Variants in NLRP12 observed in about 807,000 individuals in gnomAD.
NLRP12 encodes the protein NACHT, LRR and PYD domains-containing protein 12.
NLRP12 carries 108 observed loss-of-function variants against 91.2 expected under a neutral mutation model. The ratio of observed to expected loss-of-function variants is 1.18; its 90% confidence interval spans 1.01 to 1.39. NLRP12 has a LOEUF of 1.39. Among genes scored for constraint, NLRP12 ranks in the 40% most tolerant of loss-of-function variants. NLRP12 has a pLI of 0.00. For synonymous variants in NLRP12, 613 were observed against 566.7 expected, an observed-to-expected ratio of 1.08 and a Z score of -1.16; for missense variants, 1,530 against 1,352.7, an observed-to-expected ratio of 1.13 and a Z score of -2.06.
At chr19:53,814,494 G>C (rs922695589) in intron 2 of NLRP12, among the ~76,000 whole-genome samples, 1 of 152,132 alleles carries the variant, frequency 6.6e-6, no homozygotes, top group African/African-American at 2.4e-5. Context: ...TGGGACTACA[G>C]GTATGCTCCA....
chr19:53,810,838 T>C lies in NLRP12; in HGVS notation c.821A>G (p.Glu274Gly), dbSNP rs2092059407. The C allele has an allele frequency of 6.2e-7, 1 of 1,614,050 alleles. No homozygotes were observed. Among genetic ancestry groups the C allele is most frequent in the Non-Finnish European group, 8.5e-7 (1 of 1,180,018 alleles). ...GAGCTCCTGGAGAGGCGCGCTGGGC[T>C]CAGGCCAGCAGCTGAAGATGAGGTC... Reference protein sequence around the residue: ...MQDLIFSCWPEPSAPLQELIR... With the variant: ...MQDLIFSCWPGPSAPLQELIR... Residue 274 changes from glutamate (E) to glycine (G), a missense_variant, in exon 3 of 10, where the codon GAG becomes GGG. Transcript: ENST00000324134.
chr19:53,815,120 T>G, intron 1 of NLRP12, 132 bp from the exon 2 acceptor site: 1 of 737,810 alleles, frequency 1.4e-6, no homozygotes. Flanking sequence ...CAGTAGTGAC[T>G]GCATAGGCCG....
intron 5 of NLRP12, among the ~76,000 whole-genome samples, chr19:53,804,382 G>T (rs967318765): frequency 3.3e-4 from 39 of 119,020 alleles, no homozygotes; most frequent in South Asian, 5.4e-4. Flanking sequence ...TTTGTTTTTT[G>T]TTTTTTTTGG....
At chr19:53,797,760 CAG>C (rs148845302) in intron 8 of NLRP12, among the ~76,000 whole-genome samples, 7,973 of 145,826 alleles carry the variant, frequency 0.055, 314 homozygotes, top group South Asian at 0.19. Context: ...TTTTTTGAGA[CAG>C]AGTTTCACTC....
chr19:53,796,281 TC>T (rs1431604148), intron 8 of NLRP12: 1 of 440,066 alleles, frequency 2.3e-6, no homozygotes, highest in Non-Finnish European at 4.3e-6. Flanking sequence ...AGATGGAGTC[TC>T]CCTCTGTTGC....
chr19:53,815,107 G>A (rs960988466), intron 1 of NLRP12, 119 bp from the exon 2 acceptor site: 5 of 774,310 alleles, frequency 6.5e-6, no homozygotes, highest in Non-Finnish European at 1.1e-5. Flanking sequence ...ACCCCAGAAT[G>A]TTCAGTAGTG....
At position 53,798,243 on chromosome 19, in the gene NLRP12, C is replaced by T. The variant is rs1374590421; in HGVS notation, c.2927G>A (p.Trp976Ter). 2.5e-6 allele frequency: 4 copies of T among 1,614,128 alleles called. No homozygotes were observed. The highest frequency in any genetic ancestry group is 2.2e-5 in the East Asian group (1 of 44,882). The change falls in exon 8 of 10, where the codon TGG (tryptophan) becomes TAG (stop). Residue 976 changes from tryptophan (W) to a stop codon, truncating the protein, a stop_gained and splice_region_variant. Coordinates refer to ENST00000324134, the MANE Select transcript of NLRP12 (RefSeq NM_144687.4). LOFTEE classifies it high-confidence loss of function. ...QHPACRLQKLWLDSCGLTAKA... is the reference protein window; with the variant it reads ...QHPACRLQKL ...CACCCCGTCACTCCCCGATGCTCAC[C>T]ACAGTTTCTGGAGTCTGCAGGCGGG...
intron 1 of NLRP12, among the ~76,000 whole-genome samples, chr19:53,822,736 T>TAA (rs35709423): frequency 0.034 from 4,155 of 120,462 alleles, 120 homozygotes; most frequent in African/African-American, 0.08. Context: ...GACTCAGTCT[T>TAA]AAAAAAAAAA....
At chr19:53,798,544 A>C in intron 7 of NLRP12, 131 bp from the exon 8 acceptor site, 1 of 866,452 alleles carries the variant, frequency 1.2e-6, no homozygotes, top group Non-Finnish European at 1.9e-6. Context: ...TGAGAGACAA[A>C]AAGAAAAAGA....
intron 2 of NLRP12, 42 bp downstream of exon 2, chr19:53,814,866 C>T: frequency 2.0e-6 from 3 of 1,531,736 alleles, no homozygotes; most frequent in Non-Finnish European, 2.7e-6. Context: ...GTCAGCTGCT[C>T]TGTGTAGATG....
chr19:53,823,171 G>C (rs1429876715), intron 1 of NLRP12, among the ~76,000 whole-genome samples: 3 of 68,132 alleles, frequency 4.4e-5, no homozygotes, highest in Non-Finnish European at 9.6e-5. Flanking sequence ...ATAAATTCCA[G>C]ATCTCCCAGG....
In NLRP12 at chr19:53,811,225, G is replaced by C. The variant is rs780751328; in HGVS notation, c.434C>G (p.Ala145Gly). ...RKFRLMEDRN[A>G]RLGECVNLSH... is the part of the protein sequence containing the mutation. ...GAGGTTGACACATTCCCCTAGGCGCGCATTGCGGTCTTCCATGAGCCGGAA... is the reference window on the plus strand; with the variant it reads ...GAGGTTGACACATTCCCCTAGGCGCCCATTGCGGTCTTCCATGAGCCGGAA... Residue 145 changes from alanine (A) to glycine (G), a missense_variant, in exon 3 of 10, where the codon GCG becomes GGG. Physicochemically the swap from Ala to Gly is moderately conservative, Grantham distance 60. Coordinates refer to ENST00000324134, the MANE Select transcript of NLRP12 (RefSeq NM_144687.4). 3 of 1,614,092 alleles carry C rather than the reference G, an allele frequency of 1.9e-6. No individual in the cohort carries two copies. The highest frequency in any genetic ancestry group is 1.1e-5 in the South Asian group (1 of 91,090).
chr19:53,805,034 GA>G (rs1568667581), intron 5 of NLRP12, among the ~76,000 whole-genome samples: 1 of 152,058 alleles, frequency 6.6e-6, no homozygotes, highest in African/African-American at 2.4e-5. Context: ...CGTCTCGGGA[GA>G]AAAAAAGAAG....
chr19:53,802,900 C>A (rs562864597), intron 6 of NLRP12, among the ~76,000 whole-genome samples: 53 of 152,160 alleles, frequency 3.5e-4, no homozygotes, highest in African/African-American at 1.3e-3. Context: ...CAGACACATA[C>A]CACCCACCCC....
intron 8 of NLRP12, among the ~76,000 whole-genome samples, chr19:53,797,865 A>G (rs2091795358): frequency 6.6e-6 from 1 of 151,544 alleles, no homozygotes; most frequent in Admixed American, 6.6e-5. Flanking sequence ...CAGCCTCCCA[A>G]GTAGCTCGGA....
intron 3 of NLRP12, 44 bp downstream of exon 3, chr19:53,809,543 A>G (rs1384527170): frequency 1.9e-5 from 26 of 1,391,960 alleles, no homozygotes; most frequent in Non-Finnish European, 2.5e-5. Context: ...AAAAAAAAAC[A>G]CACGAACCTA....
At chr19:53,803,608 C>A in intron 6 of NLRP12, 1 of 360,696 alleles carries the variant, frequency 2.8e-6, no homozygotes, top group Non-Finnish European at 5.4e-6. Flanking sequence ...GAGTCTCACT[C>A]TGTCACCGTG....
intron 2 of NLRP12, among the ~76,000 whole-genome samples, chr19:53,812,135 CTTTT>C (rs748799339): frequency 6.9e-6 from 1 of 145,154 alleles, no homozygotes; most frequent in African/African-American, 2.5e-5. Context: ...GCTTCTCAAA[CTTTT>C]TTTTTTTTTC....
intron 5 of NLRP12, 89 bp downstream of exon 5, chr19:53,805,191 G>A: frequency 1.5e-6 from 2 of 1,371,090 alleles, no homozygotes; most frequent in Non-Finnish European, 2.1e-6. Context: ...ATTTAAAGGT[G>A]GAGATTTGGG....
Sources: allele counts gnomAD v4.1 joint callset (sites outside exome capture counted in the v4.1 genomes callset), GRCh38; gene constraint gnomAD v4.1.1; transcripts MANE v1.5; gene names NCBI Gene and HGNC (gene_info 2026-07-23, HGNC 2026-07-21).